Variants in BLM observed in about 807,000 individuals in gnomAD.
BLM encodes BLM RecQ like helicase, also known as recQ-like DNA helicase BLM.
Under a neutral mutation model 135.3 loss-of-function variants are expected in BLM, and 95 were observed. The observed-to-expected ratio is 0.70, with a 90% CI of 0.59 to 0.83. BLM has a LOEUF of 0.83. Ranked by LOEUF, BLM falls within the 40% of genes least tolerant of loss-of-function variation. The pLI is 0.00. For missense variants in BLM, 1,518 were observed against 1,663.9 expected (o/e 0.91, Z 1.53); for synonymous variants, 520 against 589.2 (o/e 0.88, Z 1.70).
chr15:90,809,740 T>G (rs561436823), intron 20 of BLM, among the ~76,000 whole-genome samples: 4 of 152,350 alleles, frequency 2.6e-5, no homozygotes, highest in South Asian at 4.1e-4. Context: ...TGTTAGTCAT[T>G]GATAGAACCT....
At chr15:90,789,992 T>G (rs28385068) in intron 14 of BLM, among the ~76,000 whole-genome samples, 1,768 of 52,716 alleles carry the variant, frequency 0.034, 21 homozygotes, top group African/African-American at 0.11. Flanking sequence ...CTGGTGTTTT[T>G]TTTTTTTTTT....
chr15:90,790,398 A>G (rs533345700), intron 14 of BLM: 164 of 502,626 alleles, frequency 3.3e-4, no homozygotes, highest in African/African-American at 3.0e-3. Flanking sequence ...GAGAATGCCA[A>G]GTCATACAAG....
At chr15:90,759,588 C>CCTTTCTTA (rs1567040063) in intron 5 of BLM, among the ~76,000 whole-genome samples, 1 of 147,762 alleles carries the variant, frequency 6.8e-6, no homozygotes, top group Non-Finnish European at 1.5e-5. Context: ...AGCCAGACCC[C>CCTTTCTTA]CTTTCTTTCT....
At chr15:90,730,307 T>C (rs1895032662) in intron 1 of BLM, among the ~76,000 whole-genome samples, 1 of 152,228 alleles carries the variant, frequency 6.6e-6, no homozygotes, top group Non-Finnish European at 1.5e-5. Flanking sequence ...TTCCAGTATA[T>C]ATCTGATAAA....
At chr15:90,751,373 G>T (rs1895677453) in intron 3 of BLM, among the ~76,000 whole-genome samples, 1 of 152,178 alleles carries the variant, frequency 6.6e-6, no homozygotes, top group South Asian at 2.1e-4. Context: ...CCAAAAGAGA[G>T]ACTTAAATAA....
chr15:90,718,270 A>G (rs1894661743), intron 1 of BLM, among the ~76,000 whole-genome samples: 1 of 152,228 alleles, frequency 6.6e-6, no homozygotes, highest in Non-Finnish European at 1.5e-5. Flanking sequence ...CCGTACAGAA[A>G]GAGCATTTGG....
At chr15:90,729,041 A>T (rs1894993426) in intron 1 of BLM, among the ~76,000 whole-genome samples, 1 of 151,918 alleles carries the variant, frequency 6.6e-6, no homozygotes, top group African/African-American at 2.4e-5. Flanking sequence ...AACACACGGT[A>T]GCTCACACCT....
At chr15:90,721,655 G>C (rs1167024695) in intron 1 of BLM, among the ~76,000 whole-genome samples, 1 of 151,706 alleles carries the variant, frequency 6.6e-6, no homozygotes, top group African/African-American at 2.4e-5. Context: ...TTTATTGGCC[G>C]GGCACAGTGG....
At chr15:90,779,969 G>A (rs1399580579) in intron 12 of BLM, among the ~76,000 whole-genome samples, 1 of 152,068 alleles carries the variant, frequency 6.6e-6, no homozygotes, top group Non-Finnish European at 1.5e-5. Flanking sequence ...TCCTGGAACA[G>A]TGCACAGTGG....
At chr15:90,734,664 C>T (rs868678342) in intron 1 of BLM, among the ~76,000 whole-genome samples, 6 of 144,238 alleles carry the variant, frequency 4.2e-5, no homozygotes, top group Non-Finnish European at 5.9e-5. Flanking sequence ...CACACACACG[C>T]GCGCACGCAC....
chr15:90,802,987 T>C (rs1897197837), intron 17 of BLM, among the ~76,000 whole-genome samples: 1 of 151,874 alleles, frequency 6.6e-6, no homozygotes, highest in Non-Finnish European at 1.5e-5. Context: ...AAATACTAGA[T>C]GCACTTAAAT....
intron 12 of BLM, 33 bp downstream of exon 12, chr15:90,769,619 C>T: frequency 3.1e-6 from 5 of 1,607,418 alleles, no homozygotes; most frequent in Non-Finnish European, 4.3e-6. Context: ...TTTGAGAACC[C>T]TGGGGCAGTG....
At chr15:90,798,113 A>G (rs963156791) in intron 16 of BLM, 77 bp from the exon 17 acceptor site, 3 of 1,310,668 alleles carry the variant, frequency 2.3e-6, no homozygotes, top group South Asian at 1.3e-5. Flanking sequence ...TGAATCTACT[A>G]TAGTTAATAT....
At chr15:90,717,678 G>T (rs1427922622) in intron 1 of BLM, among the ~76,000 whole-genome samples, 1 of 152,230 alleles carries the variant, frequency 6.6e-6, no homozygotes, top group Non-Finnish European at 1.5e-5. Flanking sequence ...CTCCCGGGGC[G>T]TCGGAGGCCG....
chr15:90,799,933 A>C (rs1181658803), intron 17 of BLM, among the ~76,000 whole-genome samples: 6 of 152,170 alleles, frequency 3.9e-5, no homozygotes, highest in Admixed American at 3.3e-4. Flanking sequence ...GACTGTTAGG[A>C]AAGACAGATG....
rs557695835 is a variant in BLM at position 90,803,735 on chromosome 15, A to G, written c.3558+15A>G. ...GCAATTTAAAGGTATAGTATTTTTCATGTTTATTTTATTATCTCACAATGA... is the reference window on the plus strand; with the variant it reads ...GCAATTTAAAGGTATAGTATTTTTCGTGTTTATTTTATTATCTCACAATGA... On this transcript the variant is annotated intron_variant, in intron 18 of 21. Coordinates refer to ENST00000355112, the MANE Select transcript of BLM (RefSeq NM_000057.4). 6.2e-6 allele frequency: 10 copies of G among 1,612,378 alleles called. No individual in the cohort carries two copies. In the East Asian group the frequency reaches 1.6e-4, roughly 25 times the overall value.
chr15:90,798,147 G>A (rs1262878072), intron 16 of BLM, 43 bp from the exon 17 acceptor site: 1 of 1,537,464 alleles, frequency 6.5e-7, no homozygotes, highest in Non-Finnish European at 8.9e-7. Context: ...TCTAGGCATT[G>A]TTACCTTAAT....
chr15:90,814,008 A>G (rs905336122), intron 21 of BLM, among the ~76,000 whole-genome samples: 3 of 152,248 alleles, frequency 2.0e-5, no homozygotes, highest in African/African-American at 7.2e-5. Flanking sequence ...GTAAATCAAC[A>G]TAAACAGCAG....
intron 2 of BLM, 110 bp downstream of exon 2, chr15:90,747,600 G>T: frequency 1.3e-6 from 1 of 765,536 alleles, no homozygotes; most frequent in Non-Finnish European, 2.3e-6. Flanking sequence ...AAATGAAGCT[G>T]AGAGATTCAT....
Sources: gnomAD v4.1 joint callset for allele counts (sites outside exome capture counted in the v4.1 genomes callset) on GRCh38, gnomAD v4.1.1 for gene constraint, MANE v1.5 for transcripts, NCBI Gene and HGNC (gene_info 2026-07-23, HGNC 2026-07-21) for gene names.